Variants in PPM1H observed in about 807,000 individuals in gnomAD.
PPM1H encodes protein phosphatase 1H.
PPM1H carries 27 observed loss-of-function variants against 54.9 expected under a neutral mutation model. The observed-to-expected ratio is 0.49, with a 90% CI of 0.36 to 0.68. The LOEUF is 0.68. PPM1H is among the 30% of genes least tolerant of loss of function. The pLI is 0.00. For synonymous variants in PPM1H, 305 were observed against 270.8 expected (o/e 1.13, Z -1.24); for missense variants, 596 against 667.8 (o/e 0.89, Z 1.19).
intron 4 of PPM1H, among the ~76,000 whole-genome samples, chr12:62,743,007 G>A (rs1455743091): frequency 6.6e-6 from 1 of 152,180 alleles, no homozygotes; most frequent in African/African-American, 2.4e-5. Context: ...GTTCTTATGA[G>A]TCAACCGCAA....
At chr12:62,843,836 G>C (rs780802559) in intron 1 of PPM1H, among the ~76,000 whole-genome samples, 14 of 152,138 alleles carry the variant, frequency 9.2e-5, no homozygotes, top group Non-Finnish European at 2.1e-4. Context: ...CCAGATTAAA[G>C]ACTGAACAAT....
At chr12:62,724,913 G>T (rs144623217) in intron 5 of PPM1H, among the ~76,000 whole-genome samples, 24 of 152,234 alleles carry the variant, frequency 1.6e-4, no homozygotes, top group African/African-American at 4.8e-4. Flanking sequence ...GAATCCAACT[G>T]CTCTCATCAT....
intron 1 of PPM1H, among the ~76,000 whole-genome samples, chr12:62,929,021 C>CCAGCTTAGG (rs779458249): frequency 3.9e-5 from 6 of 152,160 alleles, no homozygotes; most frequent in Non-Finnish European, 7.4e-5. Flanking sequence ...TTGGAAAAAA[C>CCAGCTTAGG]AAGTTTGCTT....
chr12:62,822,371 G>T (rs2076909100), intron 2 of PPM1H, among the ~76,000 whole-genome samples: 1 of 152,164 alleles, frequency 6.6e-6, no homozygotes, highest in Non-Finnish European at 1.5e-5. Context: ...ACGATATCCA[G>T]GACTTGAACT....
intron 1 of PPM1H, among the ~76,000 whole-genome samples, chr12:62,862,812 T>C (rs562234615): frequency 2.6e-5 from 4 of 152,218 alleles, no homozygotes; most frequent in Admixed American, 6.5e-5. Context: ...GGCAGAGATA[T>C]AGTAAAACAC....
intron 1 of PPM1H, among the ~76,000 whole-genome samples, chr12:62,900,020 A>T (rs1276779807): frequency 6.6e-6 from 1 of 152,214 alleles, no homozygotes; most frequent in Non-Finnish European, 1.5e-5. Context: ...ACCTGGGAGA[A>T]GGCCCATGCC....
At chr12:62,871,602 C>A (rs572962626) in intron 1 of PPM1H, among the ~76,000 whole-genome samples, 1 of 150,998 alleles carries the variant, frequency 6.6e-6, no homozygotes, top group Non-Finnish European at 1.5e-5. Context: ...GCAACCTCCA[C>A]CTCCTGGATT....
chr12:62,814,751 G>A (rs950729376), intron 2 of PPM1H, among the ~76,000 whole-genome samples: 2 of 152,238 alleles, frequency 1.3e-5, no homozygotes, highest in South Asian at 2.1e-4. Context: ...ACATCTCATC[G>A]TTGATTTTAC....
At chr12:62,782,532 G>T (rs1362633181) in intron 4 of PPM1H, among the ~76,000 whole-genome samples, 1 of 152,166 alleles carries the variant, frequency 6.6e-6, no homozygotes, top group Non-Finnish European at 1.5e-5. Context: ...ACCATCACTG[G>T]CTTCGTTCAG....
intron 5 of PPM1H, among the ~76,000 whole-genome samples, chr12:62,721,890 A>G (rs1040660815): frequency 6.6e-6 from 1 of 152,164 alleles, no homozygotes. Flanking sequence ...TTATATCCTG[A>G]GTACTACACT....
chr12:62,820,154 C>G (rs376900099), intron 2 of PPM1H, among the ~76,000 whole-genome samples: 1 of 152,220 alleles, frequency 6.6e-6, no homozygotes, highest in African/African-American at 2.4e-5. Context: ...TCACTGCTAG[C>G]GCAGCAGTCT....
intron 6 of PPM1H, among the ~76,000 whole-genome samples, chr12:62,705,402 G>A (rs1404298241): frequency 2.7e-4 from 41 of 152,158 alleles, no homozygotes; most frequent in Admixed American, 2.7e-3. Flanking sequence ...GTAGGTGCCG[G>A]GCACTGGCAC....
intron 5 of PPM1H, among the ~76,000 whole-genome samples, chr12:62,725,589 T>C (rs1275796285): frequency 6.6e-6 from 1 of 152,242 alleles, no homozygotes; most frequent in African/African-American, 2.4e-5. Flanking sequence ...AAAGTTTACC[T>C]ATTTCTTTAG....
chr12:62,707,390 T>C (rs59587668), intron 6 of PPM1H, among the ~76,000 whole-genome samples: 2,880 of 152,082 alleles, frequency 0.019, 90 homozygotes, highest in African/African-American at 0.066. Flanking sequence ...TCCCAAGCAA[T>C]AGCAAGGGGA....
intron 1 of PPM1H, among the ~76,000 whole-genome samples, chr12:62,875,811 T>C (rs1870148856): frequency 6.6e-6 from 1 of 152,170 alleles, no homozygotes; most frequent in Non-Finnish European, 1.5e-5. Flanking sequence ...TTATTACTGA[T>C]CCACTGTTGG....
At chr12:62,831,954 T>C (rs1868368422) in intron 2 of PPM1H, among the ~76,000 whole-genome samples, 160 bp downstream of exon 2, 1 of 152,046 alleles carries the variant, frequency 6.6e-6, no homozygotes, top group South Asian at 2.1e-4. Context: ...CAGCTTGGTA[T>C]GTGTGATGTC....
rs1047111055 is a variant in PPM1H, at chr12:62,815,402, C to A, written c.412-13242G>T. On this transcript the variant is annotated intron_variant, in intron 2 of 9. Coordinates refer to ENST00000228705, the MANE Select transcript of PPM1H (RefSeq NM_020700.2). ...TTTTGTTTTTAAATGGCAATTTAGA[C>A]CTGTCTTAAAACATTAATTTATAAA... is the stretch of plus-strand genomic sequence containing the variant. Among the ~76,000 whole-genome samples the A allele has an allele frequency of 2.6e-4, 40 of 152,116 alleles. 2 individuals are homozygous for A.
intron 1 of PPM1H, among the ~76,000 whole-genome samples, chr12:62,912,903 C>A (rs1429383203): frequency 6.6e-6 from 1 of 152,192 alleles, no homozygotes; most frequent in East Asian, 1.9e-4. Context: ...TGTCAAAAAC[C>A]ATTAGTTTGT....
intron 1 of PPM1H, among the ~76,000 whole-genome samples, chr12:62,914,031 G>C (rs1189854841): frequency 1.3e-5 from 2 of 152,146 alleles, no homozygotes; most frequent in Non-Finnish European, 2.9e-5. Flanking sequence ...AGGAAATAAA[G>C]GAGTGCTGTA....
Sources: allele counts gnomAD v4.1 joint callset (sites outside exome capture counted in the v4.1 genomes callset), GRCh38; gene constraint gnomAD v4.1.1; transcripts MANE v1.5; gene names NCBI Gene and HGNC (gene_info 2026-07-23, HGNC 2026-07-21).